The following LITAF variants were observed in gnomAD, a reference collection of about 807,000 sequenced individuals.
LITAF encodes lipopolysaccharide-induced tumor necrosis factor-alpha factor.
LITAF carries 9 observed loss-of-function variants against 14.5 expected under a neutral mutation model. The observed-to-expected ratio is 0.62, with a 90% CI of 0.37 to 1.08. LITAF has a LOEUF of 1.08. Ranked by LOEUF, LITAF falls within the 50% of genes least tolerant of loss-of-function variation. The pLI is 0.01. For missense variants in LITAF, 206 were observed against 213.4 expected (o/e 0.97, Z 0.22); for synonymous variants, 98 against 88.2 (o/e 1.11, Z -0.62).
chr16:11,568,299 A>AAAAAG lies in LITAF; in HGVS notation c.-5-11569_-5-11565dup, dbSNP rs550968798. On this transcript the variant is annotated intron_variant, in intron 1 of 3. Coordinates refer to ENST00000622633, the MANE Select transcript of LITAF (RefSeq NM_001136472.2). ...CAAGACCCTGTCTCGAAAAAAAAAA[A>AAAAAG]AAAAGAAAAGAGAGAGGGTAGTTCT... Among the ~76,000 whole-genome samples, 29 of 152,036 alleles carry AAAAAG rather than the reference A, an allele frequency of 1.9e-4. 2 individuals are homozygous for AAAAAG. In the South Asian group the frequency reaches 3.7e-3, roughly 20 times the overall value.
chr16:11,570,339 G>T (rs893799708), intron 1 of LITAF, among the ~76,000 whole-genome samples: 1 of 152,156 alleles, frequency 6.6e-6, no homozygotes, highest in South Asian at 2.1e-4. Context: ...CAGGGAGGGG[G>T]TGACTTTCCC....
In LITAF at chr16:11,549,814, C is replaced by T. The variant is rs2064157902; in HGVS notation, c.378-69G>A. 1 of 1,180,402 alleles carries T rather than the reference C, an allele frequency of 8.5e-7. No individual in the cohort carries two copies. The highest frequency in any genetic ancestry group is 1.5e-5 in the African/African-American group (1 of 66,036). 73.1% of individuals were successfully genotyped at this position (1,180,402 alleles called of 1,614,324 possible). A position where few individuals can be genotyped will look rare whatever the true frequency, so the allele number is the denominator to read the frequency against. On this transcript the variant is annotated intron_variant, in intron 3 of 3. Coordinates refer to ENST00000622633, the MANE Select transcript of LITAF (RefSeq NM_001136472.2). This position sits in a 1 kb window ranked among gnomAD's most constrained non-coding sequence, Gnocchi z 4.6. ...CAGGGTGAACACTGGCTGCCAAAAC[C>T]ATGTTCATGTCCTTCTTTGTAAAAA...
intron 3 of LITAF, among the ~76,000 whole-genome samples, chr16:11,616,547 C>G (rs1220837765): frequency 6.6e-6 from 1 of 151,910 alleles, no homozygotes; most frequent in East Asian, 1.9e-4. Context: ...AGATGTACCT[C>G]TCATCTTTGC....
intron 3 of LITAF, among the ~76,000 whole-genome samples, chr16:11,609,823 C>A (rs902113378): frequency 6.6e-6 from 1 of 152,122 alleles, no homozygotes; most frequent in African/African-American, 2.4e-5. Context: ...AGGAATGGGG[C>A]AATTCCTTGA....
chr16:11,600,138 C>T (rs1260042428), upstream of LITAF, among the ~76,000 whole-genome samples: 1 of 152,150 alleles, frequency 6.6e-6, no homozygotes, highest in Non-Finnish European at 1.5e-5. The surrounding 1 kb of genome is among the most constrained non-coding windows in gnomAD (Gnocchi z 4.1). Flanking sequence ...GCTGGGACTA[C>T]AGACACCAGC....
In LITAF at chr16:11,612,605, G is replaced by A. The variant is rs1416236715; in HGVS notation, c.85+20928C>T. On this transcript the variant is annotated intron_variant, in intron 3 of 3. Coordinates refer to the LITAF transcript ENST00000574848. ...GCTCACGTGCACAGAGAACCTGGAT[G>A]GAAAGTTAACAAGGCCCAGGCAGGA... Among the ~76,000 whole-genome samples, 2 of 152,196 alleles carry A rather than the reference G, an allele frequency of 1.3e-5. 1 individual carries two copies. Among genetic ancestry groups the A allele is most frequent in the East Asian group, 3.8e-4 (2 of 5,196 alleles).
At chr16:11,625,265 CTT>C (rs112259926) in intron 3 of LITAF, among the ~76,000 whole-genome samples, 34 of 139,158 alleles carry the variant, frequency 2.4e-4, no homozygotes, top group Non-Finnish European at 3.1e-4. Context: ...TCCCAAAAAC[CTT>C]TTTTTTTTTT....
intron 1 of LITAF, among the ~76,000 whole-genome samples, chr16:11,572,262 G>C (rs1006471155): frequency 6.6e-6 from 1 of 151,834 alleles, no homozygotes; most frequent in Non-Finnish European, 1.5e-5. Context: ...GGGTCTGCAC[G>C]AAGCCCTTGT....
intron 1 of LITAF, among the ~76,000 whole-genome samples, chr16:11,574,402 G>A (rs187016039): frequency 6.6e-6 from 1 of 152,104 alleles, no homozygotes; most frequent in African/African-American, 2.4e-5. Flanking sequence ...GAAACTTAAC[G>A]GTCGGTGTTT....
chr16:11,629,773 G>A (rs1169520363), intron 3 of LITAF, among the ~76,000 whole-genome samples: 1 of 152,150 alleles, frequency 6.6e-6, no homozygotes, highest in East Asian at 1.9e-4. Context: ...CATGATTCTG[G>A]GTTGACTCAA....
chr16:11,582,498 A>G (rs1480368400), intron 1 of LITAF, among the ~76,000 whole-genome samples: 2 of 152,310 alleles, frequency 1.3e-5, no homozygotes, highest in East Asian at 3.9e-4. Flanking sequence ...CTACCAACTT[A>G]ATCCTCGAAG....
intron 1 of LITAF, among the ~76,000 whole-genome samples, chr16:11,563,538 T>A (rs572568765): frequency 1.3e-5 from 2 of 152,170 alleles, no homozygotes; most frequent in East Asian, 3.9e-4. Context: ...ATCACCTCTC[T>A]TTCTGCCTCC....
chr16:11,563,952 G>A (rs993046192), intron 1 of LITAF, among the ~76,000 whole-genome samples: 1 of 152,056 alleles, frequency 6.6e-6, no homozygotes, highest in African/African-American at 2.4e-5. Context: ...TGTTACCCAG[G>A]CTGGAGTGTA....
chr16:11,547,949 G>A lies in LITAF; in HGVS notation c.*1688C>T. Reference sequence around the variant, plus strand: ...TAAAGGTTCTTTGTAGCAATGGCTGGAAATGCAACATGAGCCCTTTCTTCA... The same window carrying A: ...TAAAGGTTCTTTGTAGCAATGGCTGAAAATGCAACATGAGCCCTTTCTTCA... On this transcript the variant is annotated 3_prime_UTR_variant, in exon 4 of 4. Coordinates refer to ENST00000622633, the MANE Select transcript of LITAF (RefSeq NM_001136472.2). The A allele has an allele frequency of 2.2e-6, 1 of 454,088 alleles. No homozygotes were observed. Among genetic ancestry groups the A allele is most frequent in the South Asian group, 1.6e-5 (1 of 64,476 alleles). The allele number at this position is 454,088 out of a possible 1,614,324, so 28.1% of individuals were successfully genotyped here. A position where few individuals can be genotyped will look rare whatever the true frequency, so the allele number is the denominator to read the frequency against.
intron 1 of LITAF, among the ~76,000 whole-genome samples, chr16:11,596,481 A>G (rs1010340784): frequency 9.0e-5 from 4 of 44,490 alleles, no homozygotes; most frequent in Non-Finnish European, 7.7e-5. Context: ...GAGAGAAGTA[A>G]GGGGAGGAGG....
At chr16:11,618,289 C>G (rs190534843) in intron 3 of LITAF, among the ~76,000 whole-genome samples, 8 of 152,350 alleles carry the variant, frequency 5.3e-5, no homozygotes, top group African/African-American at 1.9e-4. Context: ...GTCTAGATTG[C>G]AGGCAGAAAT....
At chr16:11,637,624 C>A (rs1261620801), upstream of LITAF, among the ~76,000 whole-genome samples, 1 of 152,144 alleles carries the variant, frequency 6.6e-6, no homozygotes, top group Admixed American at 6.6e-5. Flanking sequence ...CTGCACGCAG[C>A]GGCTCACGCC....
At chr16:11,581,540 G>C (rs991220814) in intron 1 of LITAF, among the ~76,000 whole-genome samples, 1 of 152,060 alleles carries the variant, frequency 6.6e-6, no homozygotes, top group Non-Finnish European at 1.5e-5. Flanking sequence ...GCTTGAGCTC[G>C]AGAGGGAGGT....
rs115633791 is a variant in LITAF, at chr16:11,551,939, T to C, written c.377+1594A>G. 4.6e-3 allele frequency: 2,084 copies of C among 450,838 alleles called. 50 individuals carry two copies. Among genetic ancestry groups the C allele is most frequent in the African/African-American group, 0.039 (1,922 of 48,950 alleles). 27.9% of individuals were successfully genotyped at this position (450,838 alleles called of 1,614,324 possible). A position where few individuals can be genotyped will look rare whatever the true frequency, so the allele number is the denominator to read the frequency against. On this transcript the variant is annotated intron_variant, in intron 3 of 3. Coordinates refer to ENST00000622633, the MANE Select transcript of LITAF (RefSeq NM_001136472.2). ...AATGGACTTTTTTTTTTTTTAAGCA[T>C]TTTCTGCCCACAGAATGAAAACAAC...
Sources: gnomAD v4.1 joint callset for allele counts (sites outside exome capture counted in the v4.1 genomes callset) on GRCh38, gnomAD v4.1.1 for gene constraint, Gnocchi (gnomAD v3.1) non-coding constraint, MANE v1.5 for transcripts, NCBI Gene and HGNC (gene_info 2026-07-23, HGNC 2026-07-21) for gene names.